FNDC3B: variants seen among roughly 807,000 people sequenced by gnomAD.
FNDC3B encodes fibronectin type III domain containing 3B.
Under a neutral mutation model 151.5 loss-of-function variants are expected in FNDC3B, and 12 were observed. The observed-to-expected ratio is 0.08, with a 90% CI of 0.05 to 0.13. FNDC3B has a LOEUF of 0.13. FNDC3B is among the 10% of genes least tolerant of loss of function. The probability of loss-of-function intolerance (pLI) is 1.00; values close to 1 mark genes in which losing one functional copy is unlikely to be tolerated. For synonymous variants in FNDC3B, 528 were observed against 549.0 expected (o/e 0.96, Z 0.54); for missense variants, 1,214 against 1,505.3 (o/e 0.81, Z 3.20).
At chr3:172,124,942 G>C (rs959811463) in intron 2 of FNDC3B, among the ~76,000 whole-genome samples, 1 of 152,150 alleles carries the variant, frequency 6.6e-6, no homozygotes, top group Admixed American at 6.5e-5. Flanking sequence ...GACAAAACCC[G>C]AGGCGAGAAA....
intron 3 of FNDC3B, among the ~76,000 whole-genome samples, chr3:172,202,025 A>G (rs1725180768): frequency 6.6e-6 from 1 of 152,218 alleles, no homozygotes; most frequent in Admixed American, 6.5e-5. Context: ...ATTAGTTCCT[A>G]AAAAGTGACT....
Position 172,344,274 on chromosome 3 carries a change from T to G in FNDC3B, c.2250+16T>G. 6.3e-7 allele frequency: 1 copy of G among 1,597,012 alleles called. No homozygotes were observed. Among genetic ancestry groups the G allele is most frequent in the Non-Finnish European group, 8.5e-7 (1 of 1,170,434 alleles). On this transcript the variant is annotated intron_variant, in intron 19 of 25. Coordinates refer to ENST00000415807, the MANE Select transcript of FNDC3B (RefSeq NM_022763.4). ...TGATGGAGGGGTGAGTATAAGCCCA[T>G]ACACCATAACCAGAATCAGAATGCA...
chr3:172,050,700 C>CGTGTGTGTGTGTGT lies in FNDC3B; in HGVS notation c.-29+10950_-29+10963dup, dbSNP rs71975191. On this transcript the variant is annotated intron_variant, in intron 1 of 25. Coordinates refer to ENST00000415807, the MANE Select transcript of FNDC3B (RefSeq NM_022763.4). ...CGCCCAGCCTTTGTGGGTATATTTT[C>CGTGTGTGTGTGTGT]GTGTGTGTGTGTGTGTGTGTGTGTG... is the stretch of plus-strand genomic sequence containing the variant. 6.9e-5 allele frequency among the ~76,000 whole-genome samples: 10 copies of CGTGTGTGTGTGTGT among 144,994 alleles called. No individual in the cohort carries two copies. In the East Asian group the frequency reaches 1.6e-3, roughly 24 times the overall value.
At chr3:172,200,780 G>A (rs1029956657) in intron 3 of FNDC3B, among the ~76,000 whole-genome samples, 3 of 152,176 alleles carry the variant, frequency 2.0e-5, no homozygotes, top group Non-Finnish European at 2.9e-5. Flanking sequence ...TTAAACAAAT[G>A]AATGCAATGG....
intron 21 of FNDC3B, among the ~76,000 whole-genome samples, chr3:172,349,536 C>T (rs1162511463): frequency 6.6e-6 from 1 of 151,850 alleles, no homozygotes; most frequent in East Asian, 1.9e-4. Context: ...TTCCATAGAG[C>T]CAAGCTAGTT....
At chr3:172,067,889 G>A (rs1201116065) in intron 1 of FNDC3B, among the ~76,000 whole-genome samples, 1 of 152,108 alleles carries the variant, frequency 6.6e-6, no homozygotes, top group Non-Finnish European at 1.5e-5. Flanking sequence ...ACTTCCTCTG[G>A]GAATTAATGG....
At chr3:172,314,225 C>T (rs556376561) in intron 11 of FNDC3B, among the ~76,000 whole-genome samples, 24 of 152,170 alleles carry the variant, frequency 1.6e-4, no homozygotes, top group African/African-American at 5.8e-4. Flanking sequence ...AGCCACAGCT[C>T]TCCCCTCCTC....
chr3:172,126,206 C>CGAATTCAACGTGCATA (rs1720802067), intron 2 of FNDC3B, among the ~76,000 whole-genome samples: 1 of 151,980 alleles, frequency 6.6e-6, no homozygotes, highest in African/African-American at 2.4e-5. Flanking sequence ...AAACTGGCTC[C>CGAATTCAACGTGCATA]GAATTCAACG....
chr3:172,338,817 A>G (rs962724402), intron 16 of FNDC3B, among the ~76,000 whole-genome samples: 8 of 152,056 alleles, frequency 5.3e-5, no homozygotes, highest in Non-Finnish European at 1.0e-4. Context: ...GCTCACTGCA[A>G]GCTCCGCCTC....
chr3:172,067,699 A>G (rs557646753), intron 1 of FNDC3B, among the ~76,000 whole-genome samples: 43 of 152,040 alleles, frequency 2.8e-4, no homozygotes, highest in African/African-American at 1.0e-3. Context: ...TGAAAAAAAA[A>G]TTACTTAACA....
intron 2 of FNDC3B, among the ~76,000 whole-genome samples, chr3:172,116,512 T>C (rs1358624559): frequency 6.6e-6 from 1 of 152,200 alleles, no homozygotes; most frequent in Non-Finnish European, 1.5e-5. Context: ...TGGAATTTCA[T>C]ATAAATAAAA....
At chr3:172,388,492 G>A (rs1255026250) in intron 25 of FNDC3B, among the ~76,000 whole-genome samples, 13 of 152,262 alleles carry the variant, frequency 8.5e-5, no homozygotes, top group East Asian at 1.9e-4. Flanking sequence ...GAGCCATGCC[G>A]TTTAAATTGG....
At chr3:172,335,538 C>G (rs1732919977) in intron 15 of FNDC3B, 1 of 152,076 alleles carries the variant, frequency 6.6e-6, no homozygotes, top group Non-Finnish European at 1.5e-5. Context: ...GTTAAGTAAA[C>G]TTTAGCATAC....
intron 6 of FNDC3B, among the ~76,000 whole-genome samples, chr3:172,258,398 A>G (rs1728475473): frequency 6.6e-6 from 1 of 152,136 alleles, no homozygotes; most frequent in Non-Finnish European, 1.5e-5. Flanking sequence ...ATTCTTTCTC[A>G]GGTGGTCCTC....
At chr3:172,064,022 A>C in intron 1 of FNDC3B, among the ~76,000 whole-genome samples, 1 of 152,202 alleles carries the variant, frequency 6.6e-6, no homozygotes, top group South Asian at 2.1e-4. Flanking sequence ...GCGAATCTAT[A>C]GTTCCAGCTA....
chr3:172,285,832 G>A (rs1729979988), intron 6 of FNDC3B, 94 bp from the exon 7 acceptor site: 1 of 840,470 alleles, frequency 1.2e-6, no homozygotes, highest in South Asian at 1.5e-5. Context: ...CTGATTTAAT[G>A]ATAACTCCAG....
chr3:172,185,220 T>C (rs1009343732), intron 3 of FNDC3B, among the ~76,000 whole-genome samples: 5 of 152,188 alleles, frequency 3.3e-5, no homozygotes, highest in Admixed American at 6.5e-5. Context: ...TATAGATTTT[T>C]CATTTATAAA....
intron 1 of FNDC3B, among the ~76,000 whole-genome samples, chr3:172,084,006 A>C (rs560507135): frequency 3.3e-5 from 5 of 152,136 alleles, no homozygotes; most frequent in Non-Finnish European, 7.4e-5. Flanking sequence ...ATAGAGAGGT[A>C]TAAAAAAGTA....
At chr3:172,371,144 A>G (rs1290522457) in intron 23 of FNDC3B, among the ~76,000 whole-genome samples, 1 of 152,060 alleles carries the variant, frequency 6.6e-6, no homozygotes, top group Non-Finnish European at 1.5e-5. Flanking sequence ...AATCCATGGA[A>G]GCTCCAGTCC....
Sources: allele counts gnomAD v4.1 joint callset (sites outside exome capture counted in the v4.1 genomes callset), GRCh38; gene constraint gnomAD v4.1.1; transcripts MANE v1.5; gene names NCBI Gene and HGNC (gene_info 2026-07-23, HGNC 2026-07-21).